Variants in USP28 observed in about 807,000 individuals in gnomAD.
USP28 encodes the protein ubiquitin carboxyl-terminal hydrolase 28.
A neutral mutation model predicts 145.0 loss-of-function variants in USP28; 113 were observed. That is an observed-to-expected ratio of 0.78 (90% CI 0.67 to 0.91). The LOEUF (loss-of-function observed/expected upper bound fraction) is 0.91. Ranked by LOEUF, USP28 falls within the 40% of genes least tolerant of loss-of-function variation. The pLI is 0.00. For synonymous variants in USP28, 447 were observed against 450.9 expected (o/e 0.99, Z 0.11); for missense variants, 1,201 against 1,289.6 (o/e 0.93, Z 1.05).
intron 1 of USP28, among the ~76,000 whole-genome samples, chr11:113,862,242 G>A (rs1947768637): frequency 6.6e-6 from 1 of 152,162 alleles, no homozygotes; most frequent in Non-Finnish European, 1.5e-5. Flanking sequence ...AGCTACTTGG[G>A]AGGCTAAGGC....
chr11:113,831,789 C>G (rs1347355363), intron 8 of USP28, 131 bp downstream of exon 8: 14 of 744,370 alleles, frequency 1.9e-5, no homozygotes, highest in Non-Finnish European at 2.8e-5. Flanking sequence ...TGAGGACTAC[C>G]TCAGTGGTTA....
chr11:113,815,430 C>T, intron 13 of USP28, 48 bp from the exon 14 acceptor site: 1 of 1,561,754 alleles, frequency 6.4e-7, no homozygotes, highest in Non-Finnish European at 8.7e-7. Flanking sequence ...CAAAAGATAC[C>T]TTGGCCTAAA....
chr11:113,864,722 T>C (rs567270316), intron 1 of USP28, among the ~76,000 whole-genome samples: 12 of 152,226 alleles, frequency 7.9e-5, no homozygotes, highest in Non-Finnish European at 1.6e-4. Flanking sequence ...CAAACTGCTC[T>C]ACACAGTCTA....
chr11:113,841,928 C>T (rs188557218), intron 3 of USP28, among the ~76,000 whole-genome samples, 160 bp from the exon 4 acceptor site: 167 of 152,288 alleles, frequency 1.1e-3, no homozygotes, highest in African/African-American at 3.5e-3. Context: ...TGAGTAACTT[C>T]GGCTACACTG....
At chr11:113,806,499 C>A (rs763383131) in exon 19 of USP28, 1 of 1,612,208 alleles carries the variant, frequency 6.2e-7, no homozygotes. Context: ...CTTAATCAGC[C>A]CTGCTTCAGA....
chr11:113,804,627 C>T (rs1939612033), intron 21 of USP28, 46 bp downstream of exon 22: 1 of 1,550,752 alleles, frequency 6.4e-7, no homozygotes, highest in Admixed American at 1.8e-5. Flanking sequence ...CCATTTACCT[C>T]AGGAATTAAT....
At chr11:113,816,444 C>T (rs1490954813) in intron 13 of USP28, among the ~76,000 whole-genome samples, 5 of 152,150 alleles carry the variant, frequency 3.3e-5, no homozygotes, top group East Asian at 1.9e-4. Flanking sequence ...ACCCAGAAGG[C>T]GGAGGTTGCA....
chr11:113,799,371 CTAGAAGTCTGGG>C, exon 25 of USP28: 1 of 1,614,164 alleles, frequency 6.2e-7, no homozygotes, highest in Non-Finnish European at 8.5e-7. Flanking sequence ...GCAGAAGGAT[CTAGAAGTCTGGG>C]TAGAAACTCC....
chr11:113,823,269 C>T (rs925575973), intron 12 of USP28, among the ~76,000 whole-genome samples: 2 of 152,086 alleles, frequency 1.3e-5, no homozygotes, highest in African/African-American at 4.8e-5. Context: ...GTGGACGGGA[C>T]CATCGTGACA....
chr11:113,868,709 G>A (rs963865303), intron 1 of USP28, among the ~76,000 whole-genome samples: 2 of 151,930 alleles, frequency 1.3e-5, no homozygotes, highest in African/African-American at 2.4e-5. Context: ...TCACTGGAGC[G>A]CGGGAGTTCA....
At chr11:113,809,345 T>G in intron 16 of USP28, 91 bp from the exon 17 acceptor site, 1 of 1,276,668 alleles carries the variant, frequency 7.8e-7, no homozygotes, top group Non-Finnish European at 1.1e-6. Context: ...CATCTTTATC[T>G]TACTCCTAAC....
intron 7 of USP28, 92 bp downstream of exon 7, chr11:113,833,328 T>C (rs563379999): frequency 2.6e-6 from 4 of 1,519,220 alleles, no homozygotes; most frequent in South Asian, 2.6e-5. Flanking sequence ...CTTAGTCATG[T>C]TCACAGCTTG....
chr11:113,873,324 C>T (rs574832821), intron 1 of USP28, among the ~76,000 whole-genome samples: 3 of 152,262 alleles, frequency 2.0e-5, no homozygotes, highest in Admixed American at 1.3e-4. Flanking sequence ...ATCAGCTTTC[C>T]GTATAGGGCA....
chr11:113,815,680 C>T (rs187889176), intron 13 of USP28, among the ~76,000 whole-genome samples: 11 of 152,150 alleles, frequency 7.2e-5, no homozygotes, highest in Non-Finnish European at 1.3e-4. Flanking sequence ...AAAGCCAGAT[C>T]GGCCAGTCTT....
intron 5 of USP28, among the ~76,000 whole-genome samples, chr11:113,838,445 C>G (rs1392427392): frequency 6.6e-6 from 1 of 152,164 alleles, no homozygotes; most frequent in Non-Finnish European, 1.5e-5. Flanking sequence ...CAAGCTCTTC[C>G]ACTCCACCTC....
chr11:113,799,137 T>C (rs1449224119), exon 25 of USP28: 4 of 1,304,250 alleles, frequency 3.1e-6, no homozygotes, highest in Non-Finnish European at 4.2e-6. Context: ...CGGAATCTTA[T>C]GTGCCCACCT....
chr11:113,836,192 A>G lies in USP28; in HGVS notation c.535-1857T>C, dbSNP rs112140271. Among the ~76,000 whole-genome samples the G allele has an allele frequency of 2.8e-4, 43 of 152,190 alleles. 1 individual carries two copies. The highest frequency in any genetic ancestry group is 1.0e-3 in the African/African-American group (42 of 41,514). ...CTGCTGCTTCTGTGTTTTCTGCGTC[A>G]CTTCATTATTACATCCTCCTCCCCC... is the stretch of plus-strand genomic sequence containing the variant. On this transcript the variant is annotated intron_variant, in intron 5 of 24. Coordinates refer to ENST00000003302, the Ensembl canonical transcript of USP28.
chr11:113,823,567 CT>C, intron 12 of USP28, 37 bp downstream of exon 12: 1 of 1,387,310 alleles, frequency 7.2e-7, no homozygotes, highest in South Asian at 1.3e-5. Flanking sequence ...TTTTAATATT[CT>C]TTTACATTTC....
chr11:113,832,086 T>C lies in USP28; in HGVS notation c.760-93A>G, dbSNP rs149270595. On this transcript the variant is annotated intron_variant, in intron 7 of 24. Coordinates refer to ENST00000003302, the Ensembl canonical transcript of USP28. ...TCCCACCAATGAATTAAGATTATAC[T>C]ACTATAAAAGCATTTCTTTTTTTCT... 2.7e-4 allele frequency: 275 copies of C among 1,029,792 alleles called. 4 individuals are homozygous for C. In the East Asian group the frequency reaches 7.1e-3, roughly 27 times the overall value. The allele number at this position is 1,029,792 out of a possible 1,614,324, so 63.8% of individuals were successfully genotyped here.
Sources: gnomAD v4.1 joint callset for allele counts (sites outside exome capture counted in the v4.1 genomes callset) on GRCh38, gnomAD v4.1.1 for gene constraint, MANE v1.5 for transcripts, NCBI Gene and HGNC (gene_info 2026-07-23, HGNC 2026-07-21) for gene names.